OPCML: variants seen among roughly 807,000 people sequenced by gnomAD.
OPCML encodes opioid binding protein/cell adhesion molecule like.
Under a neutral mutation model 37.8 loss-of-function variants are expected in OPCML, and 13 were observed. The ratio of observed to expected loss-of-function variants is 0.34; its 90% CI spans 0.22 to 0.55. The LOEUF is 0.55. Ranked by LOEUF, OPCML falls within the 20% of genes least tolerant of loss-of-function variation. The pLI is 0.91. For synonymous variants in OPCML, 176 were observed against 168.8 expected, an observed-to-expected ratio of 1.04 and a Z score of -0.33; for missense variants, 341 against 435.6, an observed-to-expected ratio of 0.78 and a Z score of 1.93.
intron 1 of OPCML, among the ~76,000 whole-genome samples, chr11:133,056,280 C>A (rs1463629851): frequency 3.3e-5 from 5 of 152,010 alleles, no homozygotes; most frequent in African/African-American, 1.2e-4. Flanking sequence ...ACTGTGTGGC[C>A]CTAAAAGGAA....
intron 1 of OPCML, among the ~76,000 whole-genome samples, chr11:133,026,847 C>G (rs772525917): frequency 1.3e-5 from 2 of 151,922 alleles, no homozygotes; most frequent in Non-Finnish European, 2.9e-5. Flanking sequence ...TTCTTTTTTC[C>G]TGTGAATAGT....
intron 1 of OPCML, among the ~76,000 whole-genome samples, chr11:133,341,192 A>C (rs1565581671): frequency 1.3e-5 from 2 of 152,208 alleles, no homozygotes; most frequent in Non-Finnish European, 2.9e-5. Context: ...CTCAATAAAT[A>C]GTCAACCAAA....
At chr11:133,405,287 C>T (rs1306091867) in intron 1 of OPCML, among the ~76,000 whole-genome samples, 6 of 152,138 alleles carry the variant, frequency 3.9e-5, no homozygotes, top group East Asian at 3.9e-4. Context: ...TTTGACAGGG[C>T]GTCTGGGCTG....
chr11:132,542,226 G>C lies in OPCML; in HGVS notation c.380-13040C>G, dbSNP rs2096358317. On this transcript the variant is annotated intron_variant, in intron 3 of 7. Transcript: ENST00000524381. The stretch of plus-strand genomic sequence containing the variant: ...CTCCTGGCTGGGGAAGGCAGACGTG[G>C]AAAGATGCCTGGGCTGAGAATTAGG... Among the ~76,000 whole-genome samples, 3 of 152,102 alleles carry C rather than the reference G, an allele frequency of 2.0e-5. No homozygotes were observed. The South Asian group carries it at 6.2e-4, about 32-fold the overall frequency.
At chr11:132,814,816 T>G (rs1170508310) in intron 2 of OPCML, among the ~76,000 whole-genome samples, 1 of 152,132 alleles carries the variant, frequency 6.6e-6, no homozygotes, top group Non-Finnish European at 1.5e-5. Flanking sequence ...CAGACTCCAA[T>G]GAAATAGAAG....
chr11:133,188,936 G>A (rs1333085945), intron 1 of OPCML, among the ~76,000 whole-genome samples: 1 of 152,128 alleles, frequency 6.6e-6, no homozygotes, highest in African/African-American at 2.4e-5. Flanking sequence ...CTACTAGCCA[G>A]GTGATATCAC....
intron 1 of OPCML, among the ~76,000 whole-genome samples, chr11:132,982,518 A>G (rs1353719658): frequency 1.5e-5 from 2 of 130,416 alleles, no homozygotes; most frequent in African/African-American, 6.6e-5. Flanking sequence ...TTAGAGCAAA[A>G]AAAAAAAAAA....
intron 3 of OPCML, among the ~76,000 whole-genome samples, chr11:132,614,627 G>A (rs975157574): frequency 2.6e-5 from 4 of 152,200 alleles, no homozygotes; most frequent in African/African-American, 4.8e-5. Flanking sequence ...ATAGGGGAAT[G>A]CCTAACACAT....
intron 1 of OPCML, among the ~76,000 whole-genome samples, chr11:133,499,532 G>A (rs1209481514): frequency 6.6e-6 from 1 of 151,854 alleles, no homozygotes; most frequent in Non-Finnish European, 1.5e-5. Context: ...TGGTCCCAAG[G>A]GAAGCCCATG....
chr11:132,811,272 G>A (rs117873868), intron 2 of OPCML, among the ~76,000 whole-genome samples: 2,438 of 152,256 alleles, frequency 0.016, 27 homozygotes, highest in Middle Eastern at 0.027. Context: ...CAGACATAAC[G>A]ATTATTATTA....
intron 3 of OPCML, among the ~76,000 whole-genome samples, chr11:132,568,644 T>G (rs1418084668): frequency 6.6e-6 from 1 of 152,066 alleles, no homozygotes; most frequent in Non-Finnish European, 1.5e-5. Flanking sequence ...TGGGAAAGGG[T>G]GAGGAAATAT....
intron 1 of OPCML, among the ~76,000 whole-genome samples, chr11:133,242,675 C>T (rs937181163): frequency 3.3e-5 from 5 of 152,130 alleles, no homozygotes; most frequent in Non-Finnish European, 5.9e-5. Flanking sequence ...TCTCCAAATA[C>T]TGTCACATTC....
intron 2 of OPCML, among the ~76,000 whole-genome samples, chr11:132,713,841 G>T (rs7112601): frequency 0.82 from 124,438 of 152,264 alleles, 51,267 homozygotes; most frequent in African/African-American, 0.92. Context: ...CATTCATGAC[G>T]GTTGACATGG....
intron 4 of OPCML, among the ~76,000 whole-genome samples, chr11:132,485,076 A>T (rs1565603836): frequency 6.7e-6 from 1 of 148,552 alleles, no homozygotes; most frequent in Non-Finnish European, 1.5e-5. Context: ...AATAATAAAA[A>T]AATAATAATA....
intron 2 of OPCML, among the ~76,000 whole-genome samples, chr11:132,782,112 T>C (rs1044401867): frequency 2.3e-4 from 35 of 152,032 alleles, no homozygotes; most frequent in South Asian, 4.2e-4. Flanking sequence ...GTTTTATTTT[T>C]CCCTCAGAAC....
intron 4 of OPCML, among the ~76,000 whole-genome samples, chr11:132,445,183 G>A (rs1413938121): frequency 6.6e-6 from 1 of 152,218 alleles, no homozygotes; most frequent in African/African-American, 2.4e-5. Flanking sequence ...TACTGTGAAA[G>A]TTAACTGTGC....
intron 2 of OPCML, among the ~76,000 whole-genome samples, chr11:132,724,807 A>G (rs904444566): frequency 1.3e-5 from 2 of 152,226 alleles, no homozygotes; most frequent in Non-Finnish European, 2.9e-5. Flanking sequence ...CAAAGGGGCT[A>G]CAGGCCCCAT....
intron 2 of OPCML, among the ~76,000 whole-genome samples, chr11:132,693,593 G>A (rs1408756320): frequency 6.6e-6 from 1 of 152,208 alleles, no homozygotes; most frequent in Non-Finnish European, 1.5e-5. Context: ...CATGGTAAGT[G>A]TTCTGAAGCA....
At chr11:132,921,999 C>A (rs552981064) in intron 2 of OPCML, among the ~76,000 whole-genome samples, 1 of 152,050 alleles carries the variant, frequency 6.6e-6, no homozygotes, top group Non-Finnish European at 1.5e-5. Context: ...CCTGCCTCAG[C>A]CTCCTGAGTA....
Sources: gnomAD v4.1 joint callset for allele counts (sites outside exome capture counted in the v4.1 genomes callset) on GRCh38, gnomAD v4.1.1 for gene constraint, MANE v1.5 for transcripts, NCBI Gene and HGNC (gene_info 2026-07-23, HGNC 2026-07-21) for gene names.